NRP1: variants seen among roughly 807,000 people sequenced by gnomAD.
NRP1 encodes the protein neuropilin 1, also known as neuropilin-1.
Under a neutral mutation model 106.7 loss-of-function variants are expected in NRP1, and 35 were observed. That is an observed-to-expected ratio of 0.33 (90% CI 0.25 to 0.43). The LOEUF (loss-of-function observed/expected upper bound fraction) is 0.43. Ranked by LOEUF, NRP1 falls within the 20% of genes least tolerant of loss-of-function variation. The probability of loss-of-function intolerance (pLI) is 1.00; values close to 1 mark genes in which losing one functional copy is unlikely to be tolerated. For synonymous variants in NRP1, 437 were observed against 417.9 expected (o/e 1.05, Z -0.56); for missense variants, 1,024 against 1,170.4 (o/e 0.87, Z 1.83).
intron 10 of NRP1, chr10:33,205,966 T>C (rs1837742174): frequency 4.4e-6 from 1 of 226,290 alleles, no homozygotes; most frequent in Non-Finnish European, 9.1e-6. Context: ...AAAGTTAAAC[T>C]ATAAGTTCCT....
rs1450276055 is a variant in NRP1 at position 33,263,834 on chromosome 10, A to G, written c.470T>C (p.Val157Ala). 1 of 1,613,516 alleles carries G rather than the reference A, an allele frequency of 6.2e-7. No individual in the cohort carries two copies. The highest frequency in any genetic ancestry group is 2.2e-5 in the East Asian group (1 of 44,876). ...TTCAGGGAATCCGGGGGACTTTATC[A>G]CTCCACTAGGTGTTGTGTAGTTCTG... Reference protein sequence around the residue: ...CSQNYTTPSGVIKSPGFPEKY... With the variant: ...CSQNYTTPSGAIKSPGFPEKY... The change falls in exon 4 of 17, where the codon GTG becomes GCG. Residue 157 changes from valine (V) to alanine (A), a missense_variant. Physicochemically the swap from Val to Ala is moderately conservative, Grantham distance 64. Coordinates refer to ENST00000374867, the MANE Select transcript of NRP1 (RefSeq NM_003873.7).
intron 2 of NRP1, among the ~76,000 whole-genome samples, chr10:33,293,110 G>T (rs531136467): frequency 6.6e-6 from 1 of 152,186 alleles, no homozygotes; most frequent in East Asian, 1.9e-4. Context: ...TCTTGTTTCA[G>T]TTTGAGATCA....
intron 1 of NRP1, 126 bp from the exon 2 acceptor site, chr10:33,331,008 T>G: frequency 1.3e-6 from 1 of 772,774 alleles, no homozygotes. Flanking sequence ...AAGGTCCCCG[T>G]AAGTCCTTCG....
intron 6 of NRP1, among the ~76,000 whole-genome samples, chr10:33,248,276 C>T (rs899036003): frequency 2.0e-5 from 3 of 152,112 alleles, no homozygotes; most frequent in South Asian, 2.1e-4. Flanking sequence ...GGCAACAGAG[C>T]GAGACTCTGT....
At chr10:33,251,870 C>T (rs1022139272) in intron 6 of NRP1, among the ~76,000 whole-genome samples, 7 of 152,010 alleles carry the variant, frequency 4.6e-5, no homozygotes, top group East Asian at 1.9e-4. Flanking sequence ...AAGGCAAGAG[C>T]GCGGTCCCTT....
In NRP1 at chr10:33,249,478, G is replaced by A. The variant is rs752464407; in HGVS notation, c.981+4550C>T. 6 of 530,170 alleles carry A rather than the reference G, an allele frequency of 1.1e-5. No individual in the cohort carries two copies. The East Asian group carries it at 3.3e-4, about 29-fold the overall frequency. 32.8% of individuals were successfully genotyped at this position (530,170 alleles called of 1,614,324 possible). A position where few individuals can be genotyped will look rare whatever the true frequency, so the allele number is the denominator to read the frequency against. On this transcript the variant is annotated intron_variant, in intron 6 of 16. Coordinates refer to ENST00000374867, the MANE Select transcript of NRP1 (RefSeq NM_003873.7). ...TCAGTTTCAATGAGCTTAATGGCCT[G>A]GGTTCTAATGATGTGCTTGAAGAGG...
chr10:33,301,647 C>T (rs974897236), intron 2 of NRP1, among the ~76,000 whole-genome samples: 3 of 152,028 alleles, frequency 2.0e-5, no homozygotes, highest in Non-Finnish European at 4.4e-5. Context: ...ACTCATATGC[C>T]CTGTGGTGGT....
intron 6 of NRP1, among the ~76,000 whole-genome samples, chr10:33,234,055 T>A (rs1036202505): frequency 6.6e-6 from 1 of 152,302 alleles, no homozygotes; most frequent in Non-Finnish European, 1.5e-5. Context: ...GCTCCCTATC[T>A]CTTTCTGTGT....
Position 33,178,431 on chromosome 10 carries a change from T to C in NRP1, c.*1645A>G, listed in dbSNP as rs924395417. On this transcript the variant is annotated 3_prime_UTR_variant, in exon 17 of 17. Transcript: ENST00000374867. Reference sequence around the variant, plus strand: ...GAGCCGCTGGAAGTTTCTAGAAGCATTCATTTAAGTCTATTTTTTCAAGGT... The same window carrying C: ...GAGCCGCTGGAAGTTTCTAGAAGCACTCATTTAAGTCTATTTTTTCAAGGT... 2.0e-5 allele frequency: 3 copies of C among 152,382 alleles called. No homozygotes were observed. The highest frequency in any genetic ancestry group is 4.4e-5 in the Non-Finnish European group (3 of 68,044). 9.4% of individuals were successfully genotyped at this position (152,382 alleles called of 1,614,324 possible). A position where few individuals can be genotyped will look rare whatever the true frequency, so the allele number is the denominator to read the frequency against.
intron 6 of NRP1, among the ~76,000 whole-genome samples, chr10:33,229,433 G>C (rs1302208290): frequency 6.6e-6 from 1 of 152,154 alleles, no homozygotes; most frequent in Non-Finnish European, 1.5e-5. Flanking sequence ...CTACTTTCAA[G>C]CTGAAGGGTC....
intron 6 of NRP1, among the ~76,000 whole-genome samples, chr10:33,251,901 A>G (rs73251978): frequency 1.2e-3 from 183 of 152,180 alleles, no homozygotes; most frequent in African/African-American, 3.9e-3. Flanking sequence ...AGAAGGGGGA[A>G]GGGAAGTGCA....
At chr10:33,240,084 T>C (rs1431921247) in intron 6 of NRP1, among the ~76,000 whole-genome samples, 1 of 152,208 alleles carries the variant, frequency 6.6e-6, no homozygotes, top group African/African-American at 2.4e-5. Context: ...CTTTGTCTCA[T>C]GGTCTCTGAG....
intron 10 of NRP1, among the ~76,000 whole-genome samples, chr10:33,206,743 T>G (rs2132738119): frequency 6.6e-6 from 1 of 152,334 alleles, no homozygotes; most frequent in Admixed American, 6.5e-5. Context: ...GTTACTCAGT[T>G]ATGCCCAAAT....
chr10:33,262,544 A>T (rs962088008), intron 4 of NRP1, among the ~76,000 whole-genome samples: 12 of 151,948 alleles, frequency 7.9e-5, no homozygotes, highest in Non-Finnish European at 4.4e-5. Flanking sequence ...CTCTACCAAA[A>T]ATGCAAAAAT....
intron 2 of NRP1, among the ~76,000 whole-genome samples, chr10:33,272,932 A>G (rs552380800): frequency 2.6e-5 from 4 of 152,216 alleles, no homozygotes; most frequent in African/African-American, 9.6e-5. Flanking sequence ...TGTTGAGGAT[A>G]CGTTCCTCTC....
intron 2 of NRP1, among the ~76,000 whole-genome samples, chr10:33,274,665 C>T (rs879526774): frequency 2.0e-5 from 3 of 152,172 alleles, no homozygotes; most frequent in Non-Finnish European, 4.4e-5. Flanking sequence ...TAATCCTCCA[C>T]AGGGTGTTGT....
chr10:33,290,970 C>A (rs577238966), intron 2 of NRP1, among the ~76,000 whole-genome samples: 4 of 152,230 alleles, frequency 2.6e-5, no homozygotes, highest in Non-Finnish European at 5.9e-5. Flanking sequence ...TCCAGCCCTG[C>A]GTGTTCTTTG....
chr10:33,240,486 C>T (rs1365324753), intron 6 of NRP1, among the ~76,000 whole-genome samples: 1 of 152,150 alleles, frequency 6.6e-6, no homozygotes, highest in Non-Finnish European at 1.5e-5. Flanking sequence ...TCTACCTTCC[C>T]CTTTAAGCTT....
chr10:33,240,371 G>C (rs1840919700), intron 6 of NRP1, among the ~76,000 whole-genome samples: 1 of 152,136 alleles, frequency 6.6e-6, no homozygotes, highest in Non-Finnish European at 1.5e-5. Flanking sequence ...TTTCTAAGTG[G>C]CTCAAGATAA....
Sources: allele counts gnomAD v4.1 joint callset (sites outside exome capture counted in the v4.1 genomes callset), GRCh38; gene constraint gnomAD v4.1.1; transcripts MANE v1.5; gene names NCBI Gene and HGNC (gene_info 2026-07-23, HGNC 2026-07-21).